The following ZNF366 variants were observed in gnomAD, a reference collection of about 807,000 sequenced individuals.
ZNF366 encodes the protein zinc finger protein 366, also known as dendritic cell-specific transcript protein.
In ZNF366, 20 loss-of-function variants were observed where a neutral mutation model predicts 47.2. The observed-to-expected ratio is 0.42, with a 90% CI of 0.30 to 0.62. The LOEUF (loss-of-function observed/expected upper bound fraction) is 0.62. Ranked by LOEUF, ZNF366 falls within the 20% of genes least tolerant of loss-of-function variation. The pLI, the probability that ZNF366 is intolerant of heterozygous loss-of-function variation, is 0.16. For missense variants in ZNF366, 987 were observed against 976.3 expected (o/e 1.01, Z -0.15); for synonymous variants, 421 against 395.1 (o/e 1.07, Z -0.78).
chr5:72,485,394 C>T (rs1027296441), intron 1 of ZNF366, among the ~76,000 whole-genome samples: 1 of 152,166 alleles, frequency 6.6e-6, no homozygotes, highest in African/African-American at 2.4e-5. Context: ...TGTGTCCCTT[C>T]CTTCTTTATT....
At chr5:72,500,075 A>T (rs1744185985) in intron 1 of ZNF366, among the ~76,000 whole-genome samples, 1 of 152,114 alleles carries the variant, frequency 6.6e-6, no homozygotes, top group Non-Finnish European at 1.5e-5. Flanking sequence ...GGGAAGAGGG[A>T]GGCGTGTGGA....
At chr5:72,459,765 T>C (rs973665242) in intron 2 of ZNF366, among the ~76,000 whole-genome samples, 2 of 152,198 alleles carry the variant, frequency 1.3e-5, no homozygotes, top group African/African-American at 4.8e-5. Flanking sequence ...ATCCAGAAGG[T>C]GCTCCCTGGC....
intron 1 of ZNF366, chr5:72,472,408 G>T: frequency 5.2e-6 from 1 of 194,124 alleles, no homozygotes; most frequent in Non-Finnish European, 9.4e-6. Context: ...AACATGAAAA[G>T]GATGAAGGAC....
At chr5:72,502,437 C>A (rs1183166478) in intron 1 of ZNF366, among the ~76,000 whole-genome samples, 3 of 152,276 alleles carry the variant, frequency 2.0e-5, no homozygotes, top group Admixed American at 1.3e-4. Flanking sequence ...GTGTCCATTG[C>A]TGCTTTATTT....
intron 1 of ZNF366, among the ~76,000 whole-genome samples, chr5:72,466,705 A>G (rs1743436090): frequency 6.6e-6 from 1 of 152,222 alleles, no homozygotes; most frequent in African/African-American, 2.4e-5. Flanking sequence ...AAAAGGTATA[A>G]TTTTATCTTG....
rs1554031612 is a variant in ZNF366 at position 72,462,550 on chromosome 5, T to TC, written c.-14-1041_-14-1040insG. Among the ~76,000 whole-genome samples, 492 of 133,676 alleles carry TC rather than the reference T, an allele frequency of 3.7e-3. 1 individual carries two copies. Among genetic ancestry groups the TC allele is most frequent in the African/African-American group, 0.011 (350 of 32,598 alleles). The allele number at this position is 133,676 out of a possible 152,430, so 87.7% of individuals were successfully genotyped here. Reference sequence around the variant, plus strand: ...TTCTTTCTTTCTTTCTTTCTTTCTTTTTTTTTTTTTTTGGAGATGGAGTCT... The same window carrying TC: ...TTCTTTCTTTCTTTCTTTCTTTCTTTCTTTTTTTTTTTTGGAGATGGAGTCT... On this transcript the variant is annotated intron_variant, in intron 1 of 4. Transcript: ENST00000318442.
intron 1 of ZNF366, among the ~76,000 whole-genome samples, chr5:72,480,225 G>A (rs2112343245): frequency 6.6e-6 from 1 of 152,350 alleles, no homozygotes; most frequent in South Asian, 2.1e-4. Flanking sequence ...ACAAATTGAT[G>A]AGGTACTGAG....
Position 72,460,283 on chromosome 5 carries a change from G to C in ZNF366, c.1214C>G (p.Pro405Arg). Residue 405 changes from proline to arginine, a missense_variant, in exon 2 of 5, where the codon CCG (proline) becomes CGG (arginine). Pro to Arg is a moderately radical substitution (Grantham distance 103). Coordinates refer to ENST00000318442, the MANE Select transcript of ZNF366 (RefSeq NM_152625.3). ...CATCATGTGGTTCTGCAGCTGGCTCGGGTACTGGAAGGTCTTGTCGCACTC... is the reference window on the plus strand; with the variant it reads ...CATCATGTGGTTCTGCAGCTGGCTCCGGTACTGGAAGGTCTTGTCGCACTC... ...CSECDKTFQYPSQLQNHMMKH... is the reference protein window; with the variant it reads ...CSECDKTFQYRSQLQNHMMKH... The C allele has an allele frequency of 6.2e-7, 1 of 1,614,204 alleles. No homozygotes were observed.
intron 1 of ZNF366, among the ~76,000 whole-genome samples, chr5:72,494,787 C>A (rs774492005): frequency 1.3e-5 from 2 of 151,926 alleles, no homozygotes; most frequent in Non-Finnish European, 2.9e-5. Context: ...GGTTTGGTTT[C>A]GTTTGATTTG....
At chr5:72,454,605 A>G (rs1743143432) in intron 3 of ZNF366, among the ~76,000 whole-genome samples, 1 of 152,216 alleles carries the variant, frequency 6.6e-6, no homozygotes, top group Non-Finnish European at 1.5e-5. Flanking sequence ...ATTATAAACT[A>G]TGTTAATGGC....
At position 72,440,432 on chromosome 5, in the gene ZNF366, G is replaced by A. The variant is rs1333700191; in HGVS notation, c.*3324C>T. 6 of 152,206 alleles carry A rather than the reference G, an allele frequency of 3.9e-5. No individual in the cohort carries two copies. The highest frequency in any genetic ancestry group is 7.2e-5 in the African/African-American group (3 of 41,456). The allele number at this position is 152,206 out of a possible 1,614,324, so 9.4% of individuals were successfully genotyped here. A position where few individuals can be genotyped will look rare whatever the true frequency, so the allele number is the denominator to read the frequency against. On this transcript the variant is annotated 3_prime_UTR_variant, in exon 5 of 5. Transcript: ENST00000318442. ...TGCCACTTTGCTGGTCCATTGATTT[G>A]TTCAAAGTGACAGTGGTCAAAAGGC...
At chr5:72,477,493 G>A (rs1019657461) in intron 1 of ZNF366, among the ~76,000 whole-genome samples, 1 of 152,188 alleles carries the variant, frequency 6.6e-6, no homozygotes, top group African/African-American at 2.4e-5. Context: ...CTTTAAAACT[G>A]AGGGTGACCA....
At chr5:72,465,973 C>T (rs776556602) in intron 1 of ZNF366, among the ~76,000 whole-genome samples, 9 of 152,156 alleles carry the variant, frequency 5.9e-5, no homozygotes, top group Non-Finnish European at 1.2e-4. Flanking sequence ...GTATGTTAAA[C>T]ACTAGACAGT....
chr5:72,443,739 AT>A lies in ZNF366; in HGVS notation c.*16del, dbSNP rs1184937828. The A allele has an allele frequency of 1.3e-6, 2 of 1,592,734 alleles. No individual in the cohort carries two copies. Among genetic ancestry groups the A allele is most frequent in the African/African-American group, 2.7e-5 (2 of 73,560 alleles). On this transcript the variant is annotated 3_prime_UTR_variant, in exon 5 of 5. Coordinates refer to ENST00000318442, the MANE Select transcript of ZNF366 (RefSeq NM_152625.3). ...GCCTCCTTCTCATTTTCCAAATGTA[AT>A]TTTAAAACTGTCCACTTAGATACCT...
At chr5:72,449,074 A>G (rs1743012078) in intron 3 of ZNF366, among the ~76,000 whole-genome samples, 1 of 152,196 alleles carries the variant, frequency 6.6e-6, no homozygotes, top group Admixed American at 6.5e-5. Flanking sequence ...AATTGGTCTA[A>G]TTCCAACTTT....
At chr5:72,461,551 G>C in intron 1 of ZNF366, 41 bp from the exon 2 acceptor site, 1 of 1,515,148 alleles carries the variant, frequency 6.6e-7, no homozygotes, top group Non-Finnish European at 8.8e-7. Context: ...GTTTGGTTTT[G>C]TTTAAAATTC....
chr5:72,494,556 T>C (rs1253590855), intron 1 of ZNF366, among the ~76,000 whole-genome samples: 1 of 151,866 alleles, frequency 6.6e-6, no homozygotes, highest in Admixed American at 6.6e-5. Context: ...GAGTCTGCTA[T>C]CACCTTATAC....
intron 2 of ZNF366, among the ~76,000 whole-genome samples, chr5:72,459,870 G>C (rs750443200): frequency 7.2e-5 from 11 of 152,228 alleles, no homozygotes; most frequent in Non-Finnish European, 1.5e-4. Flanking sequence ...AAGATTCTTG[G>C]AGGCTAGGGA....
chr5:72,498,980 C>G (rs1003093210), intron 1 of ZNF366, among the ~76,000 whole-genome samples: 1 of 152,204 alleles, frequency 6.6e-6, no homozygotes. Flanking sequence ...TCCTAGGAGA[C>G]TCAAGGGGGA....
Sources: allele counts gnomAD v4.1 joint callset (sites outside exome capture counted in the v4.1 genomes callset), GRCh38; gene constraint gnomAD v4.1.1; transcripts MANE v1.5; gene names NCBI Gene and HGNC (gene_info 2026-07-23, HGNC 2026-07-21).